Variants in ZNF688 observed in about 807,000 individuals in gnomAD.
The protein encoded by ZNF688 is zinc finger protein 688.
In ZNF688, 10 loss-of-function variants were observed where a neutral mutation model predicts 13.2. That is an observed-to-expected ratio of 0.76 (90% confidence interval 0.47 to 1.28). ZNF688 has a LOEUF of 1.28. ZNF688 is among the 50% of genes most tolerant of loss of function. The probability of loss-of-function intolerance (pLI) is 0.00; values close to 1 mark genes in which losing one functional copy is unlikely to be tolerated. For missense variants in ZNF688, 381 were observed against 391.4 expected, an observed-to-expected ratio of 0.97 and a Z score of 0.22; for synonymous variants, 160 against 159.4, an observed-to-expected ratio of 1.00 and a Z score of -0.03.
At position 30,569,985 on chromosome 16, in the gene ZNF688, G is replaced by C. The variant is rs981900738; in HGVS notation, c.762C>G (p.Pro254=). 3 of 1,604,492 alleles carry C rather than the reference G, an allele frequency of 1.9e-6. No individual in the cohort carries two copies. The highest frequency in any genetic ancestry group is 1.1e-5 in the South Asian group (1 of 90,164). Residue 254 remains proline, a synonymous_variant, in exon 3 of 3, where the codon CCC becomes CCG. Coordinates refer to ENST00000223459, the MANE Select transcript of ZNF688 (RefSeq NM_145271.4). ...RPGIRAVPRA[P]VRGDRDPPVL... is the part of the protein sequence containing the mutation. ...CAGGCGGGTCCCGGTCACCTCGGAC[G>C]GGGGCCCGAGGCACAGCCCGGATCC...
In ZNF688 at chr16:30,570,292, T is replaced by G. The variant is rs1235242686; in HGVS notation, c.455A>C (p.Gln152Pro). 6.2e-7 allele frequency: 1 copy of G among 1,614,016 alleles called. No individual in the cohort carries two copies. The highest frequency in any genetic ancestry group is 1.7e-5 in the Admixed American group (1 of 60,016). Reference sequence around the variant, plus strand: ...GTCCCAGGCAGCATTTTTGGGTGGCTGTGCCCGTGCCGGGGCCACGCTAAT... The same window carrying G: ...GTCCCAGGCAGCATTTTTGGGTGGCGGTGCCCGTGCCGGGGCCACGCTAAT... ...PAISVAPARAQPPKNAAWDPT... is the reference protein window; with the variant it reads ...PAISVAPARAPPPKNAAWDPT... Residue 152 changes from glutamine (Q) to proline (P), a missense_variant, in exon 3 of 3, where the codon CAG becomes CCG. Transcript: ENST00000223459.
In ZNF688 at chr16:30,570,940, C is replaced by T. The variant is rs754815400; in HGVS notation, c.310+70G>A. On this transcript the variant is annotated intron_variant, in intron 2 of 2. Coordinates refer to ENST00000223459, the MANE Select transcript of ZNF688 (RefSeq NM_145271.4). ...TCTTTAGGGATGCTGGAAGTGGGGG[C>T]CTGAAAAGAAACTCTGCTAGACAGG... 8.8e-6 allele frequency: 13 copies of T among 1,485,200 alleles called. No individual in the cohort carries two copies. The Middle Eastern group carries it at 5.1e-4, about 59-fold the overall frequency. The allele number at this position is 1,485,200 out of a possible 1,614,324, so 92.0% of individuals were successfully genotyped here. A position where few individuals can be genotyped will look rare whatever the true frequency, so the allele number is the denominator to read the frequency against.
chr16:30,577,244 G>A (rs914317128), upstream of ZNF688, among the ~76,000 whole-genome samples: 5 of 152,112 alleles, frequency 3.3e-5, no homozygotes, highest in African/African-American at 1.2e-4. Flanking sequence ...TTTAAACAGA[G>A]TAGCAACTTG....
upstream of ZNF688, among the ~76,000 whole-genome samples, chr16:30,574,537 C>G (rs1320837864): frequency 6.7e-6 from 1 of 149,660 alleles, no homozygotes; most frequent in African/African-American, 2.5e-5. Flanking sequence ...CAGAGCAAGA[C>G]TCCATCTAAA....
At chr16:30,576,251 G>A (rs1303335202), upstream of ZNF688, among the ~76,000 whole-genome samples, 1 of 152,186 alleles carries the variant, frequency 6.6e-6, no homozygotes, top group African/African-American at 2.4e-5. Context: ...TCGCTCTGTT[G>A]CCCAGGCTGG....
chr16:30,572,078 T>A (rs1377846031), upstream of ZNF688: 4 of 1,489,462 alleles, frequency 2.7e-6, no homozygotes, highest in Non-Finnish European at 3.6e-6. Flanking sequence ...GAGGAGAGGC[T>A]TCTTGCCTTC....
At chr16:30,571,278 C>G in intron 1 of ZNF688, 155 bp from the exon 2 acceptor site, 1 of 1,538,046 alleles carries the variant, frequency 6.5e-7, no homozygotes, top group Non-Finnish European at 8.7e-7. Flanking sequence ...GGTGAAAACA[C>G]TCCCGAGGGG....
Position 30,571,658 on chromosome 16 carries a change from C to T in ZNF688, c.-29G>A. 7.3e-7 allele frequency: 1 copy of T among 1,371,148 alleles called. No homozygotes were observed. The highest frequency in any genetic ancestry group is 9.4e-7 in the Non-Finnish European group (1 of 1,065,414). The allele number at this position is 1,371,148 out of a possible 1,614,324, so 84.9% of individuals were successfully genotyped here. A position where few individuals can be genotyped will look rare whatever the true frequency, so the allele number is the denominator to read the frequency against. On this transcript the variant is annotated 5_prime_UTR_variant, in exon 1 of 3. Transcript: ENST00000223459. ...GCCTCGCAGCCCCGATCGGCGGCCG[C>T]CAGGTCCCTGGAGCCGCCGCCTCCC...
In ZNF688 at chr16:30,570,432, A is replaced by G. The variant is rs1429178710; in HGVS notation, c.315T>C (p.Asp105=). The G allele has an allele frequency of 6.2e-7, 1 of 1,607,674 alleles. No homozygotes were observed. The highest frequency in any genetic ancestry group is 8.5e-7 in the Non-Finnish European group (1 of 1,177,268). ...GTTCCTCTTCCTTCCTGTTTGGGAC[A>G]TCTCCTGGGAAACCGGAATTAAGTT... ...GERLGGARRG[D]VPNRKEEEPE... Residue 105 remains aspartate, a synonymous_variant, in exon 3 of 3, where the codon GAT becomes GAC. Coordinates refer to ENST00000223459, the MANE Select transcript of ZNF688 (RefSeq NM_145271.4).
Position 30,571,685 on chromosome 16 carries a change from G to T in ZNF688, c.-56C>A. The stretch of plus-strand genomic sequence containing the variant: ...AGGTCCCTGGAGCCGCCGCCTCCCC[G>T]CTCCCGGCCTCAGCTGTCGTTGTCC... On this transcript the variant is annotated 5_prime_UTR_variant, in exon 1 of 3. Coordinates refer to ENST00000223459, the MANE Select transcript of ZNF688 (RefSeq NM_145271.4). 7.4e-7 allele frequency: 1 copy of T among 1,359,352 alleles called. No homozygotes were observed. The highest frequency in any genetic ancestry group is 9.4e-7 in the Non-Finnish European group (1 of 1,060,924). 84.2% of individuals were successfully genotyped at this position (1,359,352 alleles called of 1,614,324 possible).
In ZNF688 at chr16:30,570,004, C is replaced by G. The variant is rs560920910; in HGVS notation, c.743G>C (p.Arg248Pro). Residue 248 changes from arginine (R) to proline (P), a missense_variant, in exon 3 of 3, where the codon CGG becomes CCG. Arg to Pro is a moderately radical substitution (Grantham distance 103). Coordinates refer to ENST00000223459, the MANE Select transcript of ZNF688 (RefSeq NM_145271.4). ...TCGGACGGGGGCCCGAGGCACAGCC[C>G]GGATCCCAGGCCTCCGGCCCCGCCG... ...GGRRGRRPGI[R>P]AVPRAPVRGD... 2 of 1,610,820 alleles carry G rather than the reference C, an allele frequency of 1.2e-6. No individual in the cohort carries two copies. The highest frequency in any genetic ancestry group is 2.2e-5 in the East Asian group (1 of 44,850).
chr16:30,571,208 C>CA, intron 1 of ZNF688, 85 bp from the exon 2 acceptor site: 1 of 1,522,866 alleles, frequency 6.6e-7, no homozygotes, highest in Non-Finnish European at 8.8e-7. Flanking sequence ...GGCACCCCCT[C>CA]GGAGCTTATA....
upstream of ZNF688, chr16:30,571,865 C>T: frequency 7.8e-7 from 1 of 1,281,382 alleles, no homozygotes; most frequent in Non-Finnish European, 9.8e-7. Context: ...CATAGACACC[C>T]GGGTTAAGGG....
At chr16:30,573,777 A>T, upstream of ZNF688, 1 of 258,624 alleles carries the variant, frequency 3.9e-6, no homozygotes, top group Non-Finnish European at 7.6e-6. Context: ...CTGATCTCAT[A>T]TGCATATGTT....
the ZNF688 span, chr16:30,578,925 T>A: frequency 6.6e-6 from 1 of 151,198 alleles, no homozygotes; most frequent in African/African-American, 2.4e-5. Context: ...CAAGCTATCC[T>A]CCTTCTTCAC....
upstream of ZNF688, among the ~76,000 whole-genome samples, chr16:30,575,131 C>A (rs1193872232): frequency 6.6e-5 from 10 of 152,114 alleles, no homozygotes; most frequent in Admixed American, 6.6e-4. Flanking sequence ...CATATCTTTG[C>A]TATTGTAAAC....
At position 30,570,722 on chromosome 16, in the gene ZNF688, ATTATTTATTTAT is replaced by A. The variant is rs3072029; in HGVS notation, c.310+276_310+287del. On this transcript the variant is annotated intron_variant, in intron 2 of 2. Coordinates refer to ENST00000223459, the MANE Select transcript of ZNF688 (RefSeq NM_145271.4). The stretch of plus-strand genomic sequence containing the variant: ...AGGAAGTGCTCAGGAAGCAGGGGCT[ATTATTTATTTAT>A]TTATTTATTTATTTATTTATTTATT... 2.5e-3 allele frequency: 745 copies of A among 300,032 alleles called. 5 individuals carry two copies. The highest frequency in any genetic ancestry group is 0.013 in the African/African-American group (522 of 41,164). The allele number at this position is 300,032 out of a possible 1,614,324, so 18.6% of individuals were successfully genotyped here.
At position 30,571,086 on chromosome 16, in the gene ZNF688, C is replaced by T. The variant is rs908744333; in HGVS notation, c.234G>A (p.Met78Ile). ...PGPKPALISWMEQESEAWSPA... is the reference protein window; with the variant it reads ...PGPKPALISWIEQESEAWSPA... ...GGCTCCAAGCCTCACTCTCCTGTTC[C>T]ATCCAAGAGATGAGGGCTGGTTTGG... Residue 78 changes from methionine to isoleucine, a missense_variant, in exon 2 of 3, where the codon ATG becomes ATA. Transcript: ENST00000223459. 1 of 1,599,968 alleles carries T rather than the reference C, an allele frequency of 6.3e-7. No homozygotes were observed. Among genetic ancestry groups the T allele is most frequent in the African/African-American group, 1.4e-5 (1 of 73,920 alleles).
Position 30,570,244 on chromosome 16 carries a change from G to T in ZNF688, c.503C>A (p.Pro168Gln). 2 of 1,613,358 alleles carry T rather than the reference G, an allele frequency of 1.2e-6. No homozygotes were observed. The highest frequency in any genetic ancestry group is 1.3e-5 in the African/African-American group (1 of 75,062). ...AGCATCCATGCTGGGTATGGGTGCC[G>T]GGGGCTGTGCTCCTGTGGTCGGGTC... ...AWDPTTGAQPPAPIPSMDAQA... is the reference protein window; with the variant it reads ...AWDPTTGAQPQAPIPSMDAQA... Residue 168 changes from proline to glutamine, a missense_variant, in exon 3 of 3, where the codon CCG becomes CAG. Physicochemically the swap from Pro to Gln is moderately conservative, Grantham distance 76 (BLOSUM62 -1). Transcript: ENST00000223459.
Sources: allele counts gnomAD v4.1 joint callset (sites outside exome capture counted in the v4.1 genomes callset), GRCh38; gene constraint gnomAD v4.1.1; transcripts MANE v1.5; gene names NCBI Gene and HGNC (gene_info 2026-07-23, HGNC 2026-07-21).